TMPRSS9: variants seen among roughly 807,000 people sequenced by gnomAD.
TMPRSS9 encodes the protein transmembrane protease serine 9.
TMPRSS9 carries 113 observed loss-of-function variants against 111.4 expected under a neutral mutation model. The ratio of observed to expected loss-of-function variants is 1.01; its 90% CI spans 0.87 to 1.19. TMPRSS9 has a LOEUF of 1.19. Among genes scored for constraint, TMPRSS9 ranks in the 50% most tolerant of loss-of-function variants. The pLI, the probability that TMPRSS9 is intolerant of heterozygous loss-of-function variation, is 0.00. For synonymous variants in TMPRSS9, 805 were observed against 659.1 expected, an observed-to-expected ratio of 1.22 and a Z score of -3.39; for missense variants, 1,803 against 1,513.1, an observed-to-expected ratio of 1.19 and a Z score of -3.18.
At chr19:2,401,154 G>A (rs1404328727) in intron 4 of TMPRSS9, among the ~76,000 whole-genome samples, 5 of 150,982 alleles carry the variant, frequency 3.3e-5, no homozygotes, top group Non-Finnish European at 7.4e-5. Context: ...GGCGCCTGTA[G>A]TCCCAGCTGC....
chr19:2,408,128 A>C (rs943006989), intron 7 of TMPRSS9, among the ~76,000 whole-genome samples: 3 of 150,380 alleles, frequency 2.0e-5, no homozygotes, highest in African/African-American at 7.3e-5. Context: ...TATGTTGCCC[A>C]GGCTCGTCTT....
chr19:2,420,205 G>A (rs961210904), intron 13 of TMPRSS9, among the ~76,000 whole-genome samples: 2 of 152,050 alleles, frequency 1.3e-5, no homozygotes, highest in Non-Finnish European at 2.9e-5. Context: ...TTGGGAGGCC[G>A]AGGCAGGCAG....
At chr19:2,365,629 A>C (rs1056827865) in intron 1 of TMPRSS9, among the ~76,000 whole-genome samples, 14 of 152,014 alleles carry the variant, frequency 9.2e-5, no homozygotes, top group East Asian at 3.9e-4. Flanking sequence ...AACAAAAAAA[A>C]CAAAAAAACT....
chr19:2,399,143 A>G (rs1282509646), exon 4 of TMPRSS9: 3 of 1,613,008 alleles, frequency 1.9e-6, no homozygotes, highest in African/African-American at 2.7e-5. Context: ...CTGCGGGAGC[A>G]CGGCATCTCC....
chr19:2,424,759 G>T (rs1041466665), intron 15 of TMPRSS9, among the ~76,000 whole-genome samples: 1 of 152,050 alleles, frequency 6.6e-6, no homozygotes, highest in Non-Finnish European at 1.5e-5. Context: ...CAGGCGGGGG[G>T]CGGGACTCGC....
At chr19:2,416,579 C>G in exon 12 of TMPRSS9, 3 of 1,611,738 alleles carry the variant, frequency 1.9e-6, no homozygotes, top group Non-Finnish European at 2.5e-6. Context: ...GGCACTGCGT[C>G]CCTCCTGGGC....
At chr19:2,418,203 A>G (rs993564285) in intron 13 of TMPRSS9, 65 bp downstream of exon 14, 6 of 1,501,270 alleles carry the variant, frequency 4.0e-6, no homozygotes, top group Non-Finnish European at 5.4e-6. Flanking sequence ...TTCACCCAGC[A>G]GTTCTTTGTG....
chr19:2,423,729 G>C (rs2047524318), intron 14 of TMPRSS9, among the ~76,000 whole-genome samples: 1 of 152,132 alleles, frequency 6.6e-6, no homozygotes, highest in Non-Finnish European at 1.5e-5. Flanking sequence ...GGGCACCAAG[G>C]CAGGGCTGGG....
intron 1 of TMPRSS9, among the ~76,000 whole-genome samples, chr19:2,391,529 G>A (rs1970595984): frequency 6.6e-6 from 1 of 151,698 alleles, no homozygotes; most frequent in African/African-American, 2.4e-5. Context: ...GTGTGTGCAT[G>A]GTGCACACGT....
At chr19:2,386,309 T>A (rs987363178), upstream of TMPRSS9, among the ~76,000 whole-genome samples, 5 of 151,300 alleles carry the variant, frequency 3.3e-5, no homozygotes, top group African/African-American at 1.2e-4. Context: ...ATTGAGACCA[T>A]CCTGGCTAAC....
At chr19:2,422,496 G>A (rs969027921) in intron 14 of TMPRSS9, among the ~76,000 whole-genome samples, 2 of 152,218 alleles carry the variant, frequency 1.3e-5, no homozygotes, top group African/African-American at 4.8e-5. Flanking sequence ...CAGGAGAATG[G>A]CATGAAGCCG....
chr19:2,380,214 A>T (rs75679340), intron 1 of TMPRSS9, among the ~76,000 whole-genome samples: 15,988 of 151,830 alleles, frequency 0.11, 1,652 homozygotes, highest in African/African-American at 0.27. Context: ...AGCCCAAGAA[A>T]TCGAGGCTGC....
chr19:2,361,405 G>C (rs1970197400), intron 1 of TMPRSS9, among the ~76,000 whole-genome samples: 1 of 151,246 alleles, frequency 6.6e-6, no homozygotes, highest in Admixed American at 6.6e-5. Flanking sequence ...GGCTGGAGTG[G>C]GTGCCAGGCA....
Position 2,393,971 on chromosome 19 carries a change from G to A in TMPRSS9, c.143-2568G>A, listed in dbSNP as rs1970654627. 2.6e-5 allele frequency among the ~76,000 whole-genome samples: 4 copies of A among 151,274 alleles called. No homozygotes were observed. The Admixed American group carries it at 2.6e-4, about 10-fold the overall frequency. ...TAATCCCAGCACTCTGGGAGGCCGG[G>A]TTGGGCGGATCATGAGGTCAGGAGA... On this transcript the variant is annotated intron_variant, in intron 1 of 17. Transcript: ENST00000648592.
intron 1 of TMPRSS9, among the ~76,000 whole-genome samples, chr19:2,395,180 G>T (rs1033567464): frequency 3.3e-5 from 5 of 152,174 alleles, no homozygotes; most frequent in Non-Finnish European, 7.3e-5. Context: ...CACTTCGGGA[G>T]GCCAAGGCGG....
chr19:2,412,410 A>C (rs966386670), intron 9 of TMPRSS9, among the ~76,000 whole-genome samples: 11 of 152,106 alleles, frequency 7.2e-5, no homozygotes, highest in African/African-American at 1.9e-4. Flanking sequence ...TCTCAAACAA[A>C]ATTGAAAATT....
At chr19:2,424,904 C>T in intron 15 of TMPRSS9, 98 bp from the exon 17 acceptor site, 3 of 1,343,778 alleles carry the variant, frequency 2.2e-6, no homozygotes, top group Non-Finnish European at 2.9e-6. Context: ...GGCCAATAAC[C>T]CTGCCCAGGG....
chr19:2,426,064 G>C lies in TMPRSS9; in HGVS notation c.3258G>C (p.Trp1086Cys). Reference sequence around the variant, plus strand: ...CCCGGGTGGCAGCTGTGAGAGGCTGGATAGGACAGCACATCCAGGAGTGAC... The same window carrying C: ...CCCGGGTGGCAGCTGTGAGAGGCTGCATAGGACAGCACATCCAGGAGTGAC... The change falls in exon 18 of 18, where the codon TGG becomes TGC. Residue 1086 changes from tryptophan (W) to cysteine (C), a missense_variant. By Grantham distance (215) the Trp-to-Cys change is radical. Transcript: ENST00000648592. The C allele has an allele frequency of 2.5e-6, 4 of 1,609,434 alleles. No homozygotes were observed. In the South Asian group the frequency reaches 4.4e-5, roughly 18 times the overall value.
At chr19:2,375,625 C>T (rs1970327342) in intron 1 of TMPRSS9, among the ~76,000 whole-genome samples, 1 of 151,374 alleles carries the variant, frequency 6.6e-6, no homozygotes, top group African/African-American at 2.4e-5. Context: ...AGGGTGGAAG[C>T]TGTGATTGGC....
Sources: allele counts gnomAD v4.1 joint callset (sites outside exome capture counted in the v4.1 genomes callset), GRCh38; gene constraint gnomAD v4.1.1; transcripts MANE v1.5; gene names NCBI Gene and HGNC (gene_info 2026-07-23, HGNC 2026-07-21).